Variants in NYAP2 observed in about 807,000 individuals in gnomAD.
The protein encoded by NYAP2 is neuronal tyrosine-phosphorylated phosphoinositide-3-kinase adapter 2.
A neutral mutation model predicts 50.4 loss-of-function variants in NYAP2; 23 were observed. The ratio of observed to expected loss-of-function variants is 0.46; its 90% CI spans 0.33 to 0.65. NYAP2 has a LOEUF of 0.65. Among genes scored for constraint, NYAP2 ranks in the 30% least tolerant of loss-of-function variants. The pLI is 0.02. For missense variants in NYAP2, 885 were observed against 861.0 expected (o/e 1.03, Z -0.35); for synonymous variants, 394 against 365.2 (o/e 1.08, Z -0.90).
intron 6 of NYAP2, among the ~76,000 whole-genome samples, chr2:225,634,467 T>C (rs973478646): frequency 6.6e-6 from 1 of 152,142 alleles, no homozygotes; most frequent in Non-Finnish European, 1.5e-5. Flanking sequence ...CATCATCATT[T>C]ATGATTCAGT....
At chr2:225,433,702 A>C (rs1255678148) in intron 3 of NYAP2, among the ~76,000 whole-genome samples, 1 of 151,596 alleles carries the variant, frequency 6.6e-6, no homozygotes, top group Admixed American at 6.6e-5. Context: ...CTGTAGTCCC[A>C]GCTACTCAGG....
chr2:225,471,312 ATGAAT>A, intron 3 of NYAP2, among the ~76,000 whole-genome samples: 1 of 152,352 alleles, frequency 6.6e-6, no homozygotes, highest in African/African-American at 2.4e-5. Context: ...AATGGTTTGG[ATGAAT>A]TTTAATTATT....
intron 4 of NYAP2, among the ~76,000 whole-genome samples, chr2:225,517,632 G>T (rs1690959346): frequency 6.6e-6 from 1 of 152,146 alleles, no homozygotes; most frequent in Admixed American, 6.6e-5. Flanking sequence ...TAATGCCAAT[G>T]ATTGTGCATG....
intron 5 of NYAP2, among the ~76,000 whole-genome samples, chr2:225,586,841 A>G (rs1272536248): frequency 6.6e-6 from 1 of 152,202 alleles, no homozygotes; most frequent in Non-Finnish European, 1.5e-5. Context: ...AGAAATGTTT[A>G]ACCCTCATAT....
intron 6 of NYAP2, among the ~76,000 whole-genome samples, chr2:225,649,521 T>C (rs1693694729): frequency 2.0e-5 from 3 of 152,190 alleles, no homozygotes; most frequent in African/African-American, 7.2e-5. Context: ...TCCTAATTTT[T>C]GGCAAATGAT....
chr2:225,428,319 A>G (rs965915582), intron 3 of NYAP2, among the ~76,000 whole-genome samples: 1 of 152,210 alleles, frequency 6.6e-6, no homozygotes, highest in African/African-American at 2.4e-5. Flanking sequence ...TGGAAAGATT[A>G]CTTGAAACTT....
intron 5 of NYAP2, among the ~76,000 whole-genome samples, chr2:225,621,938 G>A (rs1693111450): frequency 6.6e-6 from 1 of 152,124 alleles, no homozygotes; most frequent in Admixed American, 6.5e-5. Context: ...TGTTGACCCA[G>A]TCATCGATGG....
At chr2:225,649,461 C>A (rs1177470363) in intron 6 of NYAP2, among the ~76,000 whole-genome samples, 12 of 152,158 alleles carry the variant, frequency 7.9e-5, no homozygotes, top group Non-Finnish European at 1.8e-4. Flanking sequence ...ACAGTGGATA[C>A]TCTGATAAAT....
chr2:225,437,231 A>G (rs762271906), intron 3 of NYAP2, among the ~76,000 whole-genome samples: 1 of 152,118 alleles, frequency 6.6e-6, no homozygotes, highest in Non-Finnish European at 1.5e-5. Flanking sequence ...AGTCATCCAC[A>G]GCCACGTGGA....
rs963565303 is a variant in NYAP2, at chr2:225,436,648, G to T, written c.221+27547G>T. Among the ~76,000 whole-genome samples the T allele has an allele frequency of 4.1e-4, 62 of 150,026 alleles. 1 individual carries two copies. ...ACTTCAACATATTAATTTTGGGGAG[G>T]ACACAATTTAACCCATAATATAACA... On this transcript the variant is annotated intron_variant, in intron 3 of 6. Transcript: ENST00000636099.
At chr2:225,592,103 G>A (rs1324501377) in intron 5 of NYAP2, among the ~76,000 whole-genome samples, 1 of 152,168 alleles carries the variant, frequency 6.6e-6, no homozygotes, top group Non-Finnish European at 1.5e-5. Context: ...ACTTAAGGAT[G>A]TATGTTCAGG....
At chr2:225,477,877 A>C (rs1304179031) in intron 3 of NYAP2, among the ~76,000 whole-genome samples, 1 of 152,184 alleles carries the variant, frequency 6.6e-6, no homozygotes, top group East Asian at 1.9e-4. Context: ...AACAGGAGAA[A>C]AAATGGGAGT....
intron 3 of NYAP2, among the ~76,000 whole-genome samples, chr2:225,442,327 G>A (rs1188319577): frequency 6.6e-6 from 1 of 152,202 alleles, no homozygotes; most frequent in South Asian, 2.1e-4. Context: ...TTCTACCACT[G>A]TGTAGAAAAG....
At chr2:225,663,786 G>T in the NYAP2 span, among the ~76,000 whole-genome samples, 1 of 152,044 alleles carries the variant, frequency 6.6e-6, no homozygotes, top group Admixed American at 6.5e-5. Context: ...TTGATCTCTT[G>T]ACCTTGTGAT....
chr2:225,493,147 G>C (rs1559194893), intron 3 of NYAP2, among the ~76,000 whole-genome samples: 1 of 151,906 alleles, frequency 6.6e-6, no homozygotes, highest in Admixed American at 6.6e-5. Flanking sequence ...TACACCACCT[G>C]GCTAATTTTT....
chr2:225,533,618 G>A (rs934352861), intron 4 of NYAP2, among the ~76,000 whole-genome samples: 1 of 152,022 alleles, frequency 6.6e-6, no homozygotes, highest in Admixed American at 6.6e-5. Context: ...GAGCCCAAGG[G>A]GTGGAGGTTG....
the NYAP2 span, among the ~76,000 whole-genome samples, chr2:225,672,905 C>T: frequency 6.6e-6 from 1 of 151,814 alleles, no homozygotes; most frequent in South Asian, 2.1e-4. Flanking sequence ...TCGTGGTGCC[C>T]CCAAGCAATT....
chr2:225,441,162 C>T (rs1430725085), intron 3 of NYAP2, among the ~76,000 whole-genome samples: 1 of 152,156 alleles, frequency 6.6e-6, no homozygotes, highest in Non-Finnish European at 1.5e-5. Context: ...CTACGTATTC[C>T]ACAGGCATGA....
chr2:225,540,804 G>C (rs911141691), intron 4 of NYAP2, among the ~76,000 whole-genome samples: 1 of 152,154 alleles, frequency 6.6e-6, no homozygotes, highest in African/African-American at 2.4e-5. Flanking sequence ...TATATACTTA[G>C]TTGTGGGATT....
Sources: allele counts gnomAD v4.1 joint callset (sites outside exome capture counted in the v4.1 genomes callset), GRCh38; gene constraint gnomAD v4.1.1; transcripts MANE v1.5; gene names NCBI Gene and HGNC (gene_info 2026-07-23, HGNC 2026-07-21).